MAPK8IP1: variants seen among roughly 807,000 people sequenced by gnomAD.
The protein encoded by MAPK8IP1 is C-Jun-amino-terminal kinase-interacting protein 1.
Under a neutral mutation model 72.6 loss-of-function variants are expected in MAPK8IP1, and 17 were observed. The observed-to-expected ratio is 0.23, with a 90% CI of 0.16 to 0.35. The LOEUF (loss-of-function observed/expected upper bound fraction) is 0.35, where lower values mean the gene tolerates loss of function less well. Among genes scored for constraint, MAPK8IP1 ranks in the 10% least tolerant of loss-of-function variants. MAPK8IP1 has a pLI of 1.00. For missense variants in MAPK8IP1, 789 were observed against 1,009.7 expected (o/e 0.78, Z 2.96); for synonymous variants, 401 against 443.4 (o/e 0.90, Z 1.20).
At chr11:45,891,322 C>T (rs889615564) in intron 1 of MAPK8IP1, among the ~76,000 whole-genome samples, 8 of 152,192 alleles carry the variant, frequency 5.3e-5, no homozygotes, top group African/African-American at 1.7e-4. Context: ...ATAGCAGGAG[C>T]GTCTCTGGGT....
intron 1 of MAPK8IP1, chr11:45,897,052 G>A: frequency 1.6e-6 from 2 of 1,288,490 alleles, no homozygotes; most frequent in Non-Finnish European, 2.2e-6. Context: ...GGGAGTCTGG[G>A]CCTCCTAGGT....
chr11:45,900,179 G>C lies in MAPK8IP1; in HGVS notation c.249G>C (p.Ala83=). 2 of 1,313,524 alleles carry C rather than the reference G, an allele frequency of 1.5e-6. No individual in the cohort carries two copies. The highest frequency in any genetic ancestry group is 9.6e-7 in the Non-Finnish European group (1 of 1,038,558). The allele number at this position is 1,313,524 out of a possible 1,614,324, so 81.4% of individuals were successfully genotyped here. A position where few individuals can be genotyped will look rare whatever the true frequency, so the allele number is the denominator to read the frequency against. ...TGCTCTCTGCGGGCGGCGGCGGCGCGGGGAGCCGGTTGCAGGCCGAGATGC... is the reference window on the plus strand; with the variant it reads ...TGCTCTCTGCGGGCGGCGGCGGCGCCGGGAGCCGGTTGCAGGCCGAGATGC... ...AGLLSAGGGG[A]GSRLQAEMLQ... The change falls in exon 3 of 12, where the codon GCG becomes GCC. Residue 83 remains alanine (A), a synonymous_variant. Transcript: ENST00000241014. The surrounding 1 kb of genome is among the most constrained non-coding windows in gnomAD (Gnocchi z 6.5).
In MAPK8IP1 at chr11:45,892,322, G is replaced by A. The variant is rs184691758; in HGVS notation, c.102-5763G>A. 1.2e-3 allele frequency among the ~76,000 whole-genome samples: 178 copies of A among 152,284 alleles called. 1 individual carries two copies. In the Middle Eastern group the frequency reaches 0.02, roughly 17 times the overall value. ...AGGTGGGGACACAGGAAGTTGATTG[G>A]AAAAGTGGACTAACTTAGAGATTTC... On this transcript the variant is annotated intron_variant, in intron 1 of 11. Transcript: ENST00000241014.
chr11:45,896,514 A>C, intron 1 of MAPK8IP1: 1 of 1,065,194 alleles, frequency 9.4e-7, no homozygotes, highest in Non-Finnish European at 1.1e-6. Flanking sequence ...AGCCCCCGAC[A>C]GGGGCATTGG....
intron 1 of MAPK8IP1, among the ~76,000 whole-genome samples, chr11:45,888,129 T>C (rs2086541572): frequency 6.6e-6 from 1 of 152,174 alleles, no homozygotes; most frequent in Non-Finnish European, 1.5e-5. Flanking sequence ...TTTCAAGGGC[T>C]GAGGAGAGCC....
In MAPK8IP1 at chr11:45,900,334, C is replaced by A. The variant is rs1390951982; in HGVS notation, c.404C>A (p.Pro135Gln). The change falls in exon 3 of 12, where the codon CCG becomes CAG. Residue 135 changes from proline (P) to glutamine (Q), a missense_variant. Physicochemically the swap from Pro to Gln is moderately conservative, Grantham distance 76. Coordinates refer to ENST00000241014, the MANE Select transcript of MAPK8IP1 (RefSeq NM_005456.4). This position sits in a 1 kb window ranked among gnomAD's most constrained non-coding sequence, Gnocchi z 6.5. ...GPPKAESGQE[P>Q]ASRGQGQSQG... ...CCCAAGGCCGAGTCCGGCCAGGAGC[C>A]GGCGTCCCGCGGCCAGGGCCAGAGC... The A allele has an allele frequency of 3.5e-6, 5 of 1,445,566 alleles. No individual in the cohort carries two copies. Among genetic ancestry groups the A allele is most frequent in the Non-Finnish European group, 4.5e-6 (5 of 1,106,342 alleles). 89.5% of individuals were successfully genotyped at this position (1,445,566 alleles called of 1,614,324 possible). A position where few individuals can be genotyped will look rare whatever the true frequency, so the allele number is the denominator to read the frequency against.
At chr11:45,891,347 C>T (rs1337764677) in intron 1 of MAPK8IP1, among the ~76,000 whole-genome samples, 2 of 152,206 alleles carry the variant, frequency 1.3e-5, no homozygotes, top group Non-Finnish European at 2.9e-5. Flanking sequence ...TGCCTTGTTC[C>T]GCCACTGGAG....
chr11:45,886,530 G>A (rs1388476949), intron 1 of MAPK8IP1, among the ~76,000 whole-genome samples: 1 of 152,196 alleles, frequency 6.6e-6, no homozygotes, highest in African/African-American at 2.4e-5. Context: ...GCCCGGCTGC[G>A]GGAAGGGAAG....
chr11:45,903,209 G>GGGTGGGGGGGTCCCT lies in MAPK8IP1; in HGVS notation c.1417+26_1417+40dup. The GGGTGGGGGGGTCCCT allele has an allele frequency of 6.3e-7, 1 of 1,594,972 alleles. No individual in the cohort carries two copies. Among genetic ancestry groups the GGGTGGGGGGGTCCCT allele is most frequent in the Non-Finnish European group, 8.5e-7 (1 of 1,171,814 alleles). On this transcript the variant is annotated intron_variant, in intron 5 of 11. Coordinates refer to ENST00000241014, the MANE Select transcript of MAPK8IP1 (RefSeq NM_005456.4). The surrounding 1 kb of genome is among the most constrained non-coding windows in gnomAD (Gnocchi z 6.4). ...AGTGAGTCAGCAAGGGGAAGCAGTGGGGTGGGGGGGTCCCTAGCGGGGGCA... is the reference window on the plus strand; with the variant it reads ...AGTGAGTCAGCAAGGGGAAGCAGTGGGGTGGGGGGGTCCCTGGTGGGGGGGTCCCTAGCGGGGGCA...
intron 1 of MAPK8IP1, 38 bp from the exon 2 acceptor site, chr11:45,898,047 G>GC (rs758451391): frequency 7.8e-7 from 1 of 1,282,304 alleles, no homozygotes; most frequent in East Asian, 2.3e-5. Flanking sequence ...CAGGCATAGT[G>GC]CCCCTGAGTT....
At chr11:45,888,540 G>C (rs753551651) in intron 1 of MAPK8IP1, among the ~76,000 whole-genome samples, 1 of 152,156 alleles carries the variant, frequency 6.6e-6, no homozygotes, top group Non-Finnish European at 1.5e-5. Context: ...GAGGGGGCGA[G>C]CATGTGGACC....
Position 45,905,703 on chromosome 11 carries a change from A to G in MAPK8IP1, c.2118A>G (p.Glu706=), listed in dbSNP as rs754751602. ...TTGTGGAGTACACCTGCCCCACAGA[A>G]GATATCTACCTGGAGTAGCTGTGCA... ...KQFVEYTCPT[E]DIYLE Residue 706 remains glutamate (E), a synonymous_variant, in exon 12 of 12, where the codon GAA becomes GAG. Transcript: ENST00000241014. The G allele has an allele frequency of 2.5e-6, 4 of 1,613,722 alleles. No individual in the cohort carries two copies. Among genetic ancestry groups the G allele is most frequent in the Non-Finnish European group, 3.4e-6 (4 of 1,179,852 alleles).
chr11:45,895,832 G>A (rs1444815450), intron 1 of MAPK8IP1, among the ~76,000 whole-genome samples: 1 of 151,964 alleles, frequency 6.6e-6, no homozygotes, highest in Non-Finnish European at 1.5e-5. Flanking sequence ...GCTGGCCACT[G>A]GGTTTTTGTC....
chr11:45,888,007 T>TA (rs2086540736), intron 1 of MAPK8IP1, among the ~76,000 whole-genome samples: 1 of 152,218 alleles, frequency 6.6e-6, no homozygotes, highest in Non-Finnish European at 1.5e-5. Context: ...TGGCCCTTCT[T>TA]ACCTGTGTGC....
intron 1 of MAPK8IP1, chr11:45,896,695 C>G: frequency 7.0e-7 from 1 of 1,430,628 alleles, no homozygotes; most frequent in Non-Finnish European, 9.1e-7. Context: ...GCAGCCTCCT[C>G]TCCTGGCCTG....
chr11:45,903,928 G>C lies in MAPK8IP1; in HGVS notation c.1494-61G>C. 2 of 1,494,580 alleles carry C rather than the reference G, an allele frequency of 1.3e-6. No individual in the cohort carries two copies. The highest frequency in any genetic ancestry group is 1.1e-5 in the South Asian group (1 of 88,654). 92.6% of individuals were successfully genotyped at this position (1,494,580 alleles called of 1,614,324 possible). A position where few individuals can be genotyped will look rare whatever the true frequency, so the allele number is the denominator to read the frequency against. On this transcript the variant is annotated intron_variant, in intron 6 of 11. Transcript: ENST00000241014. This position sits in a 1 kb window ranked among gnomAD's most constrained non-coding sequence, Gnocchi z 6.4. ...ATGCTGCTGTGGCTCCCAGACCCCA[G>C]AGTAGGCCTGGCTGGACAGGCCTTG...
At position 45,900,284 on chromosome 11, in the gene MAPK8IP1, G is replaced by C; in HGVS notation, c.354G>C (p.Ala118=). ...DDEEDDDEER[A]ARRPGAGPPK... is the part of the protein sequence containing the mutation. The stretch of plus-strand genomic sequence containing the variant: ...AGGAGGACGACGACGAGGAGCGCGC[G>C]GCCCGGCGGCCGGGAGCGGGGCCGC... The change falls in exon 3 of 12, where the codon GCG becomes GCC. Residue 118 remains alanine (A), a synonymous_variant. Transcript: ENST00000241014. This position sits in a 1 kb window ranked among gnomAD's most constrained non-coding sequence, Gnocchi z 6.5. The C allele has an allele frequency of 7.5e-7, 1 of 1,329,690 alleles. No homozygotes were observed. The highest frequency in any genetic ancestry group is 9.6e-7 in the Non-Finnish European group (1 of 1,046,676). The allele number at this position is 1,329,690 out of a possible 1,614,324, so 82.4% of individuals were successfully genotyped here.
Position 45,904,971 on chromosome 11 carries a change from G to A in MAPK8IP1, c.1894G>A (p.Gly632Arg), listed in dbSNP as rs1262214629. 1.2e-6 allele frequency: 2 copies of A among 1,613,806 alleles called. No homozygotes were observed. The highest frequency in any genetic ancestry group is 1.7e-6 in the Non-Finnish European group (2 of 1,179,864). The stretch of plus-strand genomic sequence containing the variant: ...CTTGCTTCTTTTCTCCCTCCTGTAG[G>A]GGAATAAATGTAGCCACTTTTTCCA... ...VKADDSQEAK[G>R]NKCSHFFQLK... The change falls in exon 10 of 12, where the codon GGG becomes AGG. Residue 632 changes from glycine to arginine, a missense_variant and splice_region_variant. Physicochemically the swap from Gly to Arg is moderately radical, Grantham distance 125 (BLOSUM62 -2). Transcript: ENST00000241014. The surrounding 1 kb of genome is among the most constrained non-coding windows in gnomAD (Gnocchi z 6.4).
chr11:45,903,507 T>TAG lies in MAPK8IP1; in HGVS notation c.1493+67_1493+68insAG. ...TGGGCCACACACCACCCTCTACTTG[T>TAG]CACCCCTACATGGCCTCAGCCTAAC... On this transcript the variant is annotated intron_variant, in intron 6 of 11. Transcript: ENST00000241014. The surrounding 1 kb of genome is among the most constrained non-coding windows in gnomAD (Gnocchi z 6.4). 2 of 1,376,910 alleles carry TAG rather than the reference T, an allele frequency of 1.5e-6. No homozygotes were observed. Among genetic ancestry groups the TAG allele is most frequent in the Non-Finnish European group, 2.0e-6 (2 of 990,194 alleles). 85.3% of individuals were successfully genotyped at this position (1,376,910 alleles called of 1,614,324 possible).
Sources: allele counts gnomAD v4.1 joint callset (sites outside exome capture counted in the v4.1 genomes callset), GRCh38; gene constraint gnomAD v4.1.1; non-coding constraint Gnocchi (gnomAD v3.1); transcripts MANE v1.5; gene names NCBI Gene and HGNC (gene_info 2026-07-23, HGNC 2026-07-21).